The following UGT2A1 variants were observed in gnomAD, a reference collection of about 807,000 sequenced individuals.
The protein encoded by UGT2A1 is UDP-glucuronosyltransferase 2A1.
UGT2A1 carries 61 observed loss-of-function variants against 45.4 expected under a neutral mutation model. The observed-to-expected ratio is 1.34, with a 90% confidence interval of 1.09 to 1.66. The LOEUF (loss-of-function observed/expected upper bound fraction) is 1.66. Ranked by LOEUF, UGT2A1 falls within the 40% of genes most tolerant of loss-of-function variation. The pLI is 0.00. For synonymous variants in UGT2A1, 229 were observed against 196.2 expected, an observed-to-expected ratio of 1.17 and a Z score of -1.40; for missense variants, 649 against 574.3, an observed-to-expected ratio of 1.13 and a Z score of -1.33.
At chr4:69,589,689 T>C (rs1042074422) in intron 6 of UGT2A1, 38 bp from the exon 7 acceptor site, 8 of 1,562,370 alleles carry the variant, frequency 5.1e-6, no homozygotes, top group East Asian at 2.3e-5. Context: ...TAGACAATTT[T>C]TGTTTTTATT....
At chr4:69,622,616 G>A (rs1720816606) in intron 3 of UGT2A1, among the ~76,000 whole-genome samples, 1 of 151,606 alleles carries the variant, frequency 6.6e-6, no homozygotes, top group Admixed American at 6.6e-5. Context: ...ATATGCATTG[G>A]ATATTGTACT....
At chr4:69,628,579 G>A in intron 3 of UGT2A1, among the ~76,000 whole-genome samples, 1 of 151,192 alleles carries the variant, frequency 6.6e-6, no homozygotes, top group East Asian at 1.9e-4. Context: ...CTTATCTGAA[G>A]CCATCACTCT....
At chr4:69,623,595 G>A (rs1392494300) in intron 3 of UGT2A1, among the ~76,000 whole-genome samples, 1 of 151,054 alleles carries the variant, frequency 6.6e-6, no homozygotes, top group Admixed American at 6.6e-5. Flanking sequence ...AATGTACAAA[G>A]ACATACAACA....
chr4:69,647,735 C>A, intron 1 of UGT2A1, 37 bp from the exon 2 acceptor site: 1 of 954,802 alleles, frequency 1.0e-6, no homozygotes, highest in Non-Finnish European at 1.5e-6. Context: ...AATTATTTCT[C>A]AATTTTGAGG....
At chr4:69,644,027 T>C (rs2109975782) in intron 2 of UGT2A1, among the ~76,000 whole-genome samples, 1 of 151,744 alleles carries the variant, frequency 6.6e-6, no homozygotes, top group East Asian at 1.9e-4. Flanking sequence ...TCAGTAAGAA[T>C]ATTGTGTTTT....
At chr4:69,607,002 T>A (rs1370082740) in intron 3 of UGT2A1, among the ~76,000 whole-genome samples, 1 of 136,058 alleles carries the variant, frequency 7.3e-6, no homozygotes, top group Non-Finnish European at 1.6e-5. Flanking sequence ...CCCAAGGTCA[T>A]TTATAGATTC....
chr4:69,639,642 C>T, intron 2 of UGT2A1: 1 of 1,561,856 alleles, frequency 6.4e-7, no homozygotes, highest in Non-Finnish European at 8.6e-7. Context: ...GGAAACCATC[C>T]TACTGTAGAT....
chr4:69,650,234 C>T (rs1722460473), intron 1 of UGT2A1, among the ~76,000 whole-genome samples: 1 of 152,028 alleles, frequency 6.6e-6, no homozygotes, highest in Non-Finnish European at 1.5e-5. Context: ...TGGGCTGCTT[C>T]ACTATGTGTT....
intron 3 of UGT2A1, among the ~76,000 whole-genome samples, chr4:69,618,207 G>GTGTGTATGTT (rs1553905697): frequency 1.5e-3 from 109 of 72,796 alleles, no homozygotes; most frequent in African/African-American, 4.1e-3. Flanking sequence ...GTGTGTGTGT[G>GTGTGTATGTT]TGTGTGTGTA....
chr4:69,604,314 A>T lies in UGT2A1; in HGVS notation c.848-4920T>A, dbSNP rs1719471608. 4.0e-5 allele frequency among the ~76,000 whole-genome samples: 5 copies of T among 125,888 alleles called. 1 individual carries two copies. The South Asian group carries it at 1.3e-3, about 33-fold the overall frequency. 82.6% of individuals were successfully genotyped at this position (125,888 alleles called of 152,430 possible). The stretch of plus-strand genomic sequence containing the variant: ...AACCCAGAATTTCATATCTAGCCAA[A>T]CTAAGCTTCATAAGAGGAGAAGGAG... On this transcript the variant is annotated intron_variant, in intron 3 of 6. Transcript: ENST00000286604.
At chr4:69,595,084 T>C in intron 5 of UGT2A1, 78 bp downstream of exon 5, 1 of 1,519,586 alleles carries the variant, frequency 6.6e-7, no homozygotes, top group Non-Finnish European at 9.1e-7. Flanking sequence ...AAAAATGTAT[T>C]GAATTTATTT....
chr4:69,651,274 T>G (rs1428638972), intron 1 of UGT2A1, among the ~76,000 whole-genome samples: 1 of 152,206 alleles, frequency 6.6e-6, no homozygotes, highest in Non-Finnish European at 1.5e-5. Context: ...GTAATTACTC[T>G]GATCTTAAAA....
chr4:69,626,496 A>G (rs1324691625), intron 3 of UGT2A1, among the ~76,000 whole-genome samples: 2 of 151,676 alleles, frequency 1.3e-5, no homozygotes, highest in Admixed American at 1.3e-4. Flanking sequence ...CAGTATTCCA[A>G]AAAACAAAAC....
At chr4:69,628,096 C>G (rs1721189607) in intron 3 of UGT2A1, among the ~76,000 whole-genome samples, 1 of 151,890 alleles carries the variant, frequency 6.6e-6, no homozygotes, top group South Asian at 2.1e-4. Context: ...TGTCAAGAAG[C>G]ATTTCCCTAT....
chr4:69,603,541 C>A (rs531664182), intron 3 of UGT2A1: 1 of 137,056 alleles, frequency 7.3e-6, no homozygotes, highest in South Asian at 2.4e-4. Context: ...CAGCTCCTCA[C>A]ACGCAACAGA....
intron 3 of UGT2A1, among the ~76,000 whole-genome samples, chr4:69,632,619 A>G (rs1373950608): frequency 1.3e-5 from 2 of 152,228 alleles, no homozygotes; most frequent in East Asian, 1.9e-4. Context: ...GCCAGGCACA[A>G]TGACTCAGGC....
intron 3 of UGT2A1, among the ~76,000 whole-genome samples, chr4:69,627,190 T>C (rs1721108585): frequency 6.6e-6 from 1 of 151,870 alleles, no homozygotes; most frequent in African/African-American, 2.4e-5. Flanking sequence ...AAAAATCCTT[T>C]GCCACAATAA....
At chr4:69,612,004 T>A (rs1358319928) in intron 3 of UGT2A1, among the ~76,000 whole-genome samples, 1 of 151,982 alleles carries the variant, frequency 6.6e-6, no homozygotes, top group Non-Finnish European at 1.5e-5. Flanking sequence ...AAAAATATAT[T>A]CTCTCAGAAT....
At chr4:69,643,793 A>T (rs191044982) in intron 2 of UGT2A1, among the ~76,000 whole-genome samples, 91 of 151,744 alleles carry the variant, frequency 6.0e-4, no homozygotes, top group African/African-American at 2.2e-3. Flanking sequence ...GCCTGAGTGG[A>T]TATAAATTTG....
Sources: gnomAD v4.1 joint callset for allele counts (sites outside exome capture counted in the v4.1 genomes callset) on GRCh38, gnomAD v4.1.1 for gene constraint, MANE v1.5 for transcripts, NCBI Gene and HGNC (gene_info 2026-07-23, HGNC 2026-07-21) for gene names.